ERVW-1: variants seen among roughly 807,000 people sequenced by gnomAD.
ERVW-1 encodes the protein endogenous retrovirus group W member 1, envelope, also known as syncytin-1.
Under a neutral mutation model 16.6 loss-of-function variants are expected in ERVW-1, and 21 were observed. That is an observed-to-expected ratio of 1.26 (90% confidence interval 0.90 to 1.82). ERVW-1 has a LOEUF of 1.82. Ranked by LOEUF, ERVW-1 falls within the 40% of genes most tolerant of loss-of-function variation. ERVW-1 has a pLI of 0.00. For synonymous variants in ERVW-1, 161 were observed against 109.8 expected, an observed-to-expected ratio of 1.47 and a Z score of -2.92; for missense variants, 412 against 300.2, an observed-to-expected ratio of 1.37 and a Z score of -2.75.
At chr7:92,475,960 G>A (rs1432925514) in intron 1 of ERVW-1, among the ~76,000 whole-genome samples, 1 of 152,164 alleles carries the variant, frequency 6.6e-6, no homozygotes, top group African/African-American at 2.4e-5. Flanking sequence ...GAGGAGACCA[G>A]TTATTAGGCA....
At chr7:92,476,257 TA>T (rs1790539604) in intron 1 of ERVW-1, among the ~76,000 whole-genome samples, 1 of 152,260 alleles carries the variant, frequency 6.6e-6, no homozygotes, top group Admixed American at 6.5e-5. Flanking sequence ...CTTTTTTTAT[TA>T]GAATAATTCT....
intron 1 of ERVW-1, chr7:92,474,903 A>G (rs1198572718): frequency 2.0e-5 from 3 of 151,872 alleles, no homozygotes; most frequent in Non-Finnish European, 4.4e-5. Context: ...ATTGGGGAAT[A>G]TTGGCACTCT....
intron 1 of ERVW-1, among the ~76,000 whole-genome samples, chr7:92,475,593 G>A (rs1224352690): frequency 6.7e-6 from 1 of 149,160 alleles, no homozygotes; most frequent in Non-Finnish European, 1.5e-5. Flanking sequence ...TCCAGGGTGC[G>A]TAACCACCCA....
chr7:92,471,133 C>A (rs1329517421), intron 1 of ERVW-1: 1 of 166,440 alleles, frequency 6.0e-6, no homozygotes, highest in Non-Finnish European at 1.5e-5. Flanking sequence ...ACCTCTTGGG[C>A]CTTTTCTGTC....
At chr7:92,472,543 T>G (rs1363934256) in intron 1 of ERVW-1, 2 of 152,232 alleles carry the variant, frequency 1.3e-5, no homozygotes, top group Non-Finnish European at 2.9e-5. Flanking sequence ...GTTGGCAAAC[T>G]TAACACTGGG....
rs747538219 is a variant in ERVW-1 at position 92,469,511 on chromosome 7, AG to A, written c.870del (p.Ser291HisfsTer3). Reference sequence around the variant, plus strand: ...ATGGTCATAGGGGGCACTAAGAATGAGAGGAAGCACATAGATTCTGAAGAGC... The same window carrying A: ...ATGGTCATAGGGGGCACTAAGAATGAAGGAAGCACATAGATTCTGAAGAGC... ...LNGSSESMCF[L>X]SFLVPPMTIY... is the part of the protein sequence containing the mutation. On this transcript the variant is annotated frameshift_variant, in exon 2 of 2. Coordinates refer to ENST00000603053, the MANE Select transcript of ERVW-1 (RefSeq NM_001130925.2). LOFTEE classifies it high-confidence loss of function. 2.6e-6 allele frequency: 2 copies of A among 768,640 alleles called. No individual in the cohort carries two copies. The highest frequency in any genetic ancestry group is 3.4e-5 in the African/African-American group (2 of 59,040). 47.6% of individuals were successfully genotyped at this position (768,640 alleles called of 1,614,324 possible). A position where few individuals can be genotyped will look rare whatever the true frequency, so the allele number is the denominator to read the frequency against.
intron 1 of ERVW-1, chr7:92,471,813 TC>T (rs1440029282): frequency 6.6e-6 from 1 of 152,234 alleles, no homozygotes; most frequent in Non-Finnish European, 1.5e-5. Context: ...AGTTAGGAAT[TC>T]CCTTTCTTTC....
In ERVW-1 at chr7:92,469,956, G is replaced by A. The variant is rs1790266788; in HGVS notation, c.426C>T (p.Thr142=). The A allele has an allele frequency of 2.6e-6, 2 of 777,508 alleles. No individual in the cohort carries two copies. Among genetic ancestry groups the A allele is most frequent in the African/African-American group, 3.4e-5 (2 of 59,022 alleles). The allele number at this position is 777,508 out of a possible 1,614,324, so 48.2% of individuals were successfully genotyped here. A position where few individuals can be genotyped will look rare whatever the true frequency, so the allele number is the denominator to read the frequency against. Residue 142 remains threonine, a synonymous_variant, in exon 2 of 2, where the codon ACC becomes ACT. Coordinates refer to ENST00000603053, the MANE Select transcript of ERVW-1 (RefSeq NM_001130925.2). ...GATCTAGTCCTTTGTAGGGGCTAGAGGTGCCATGTACCCGGGTGAGTTGGG... is the reference window on the plus strand; with the variant it reads ...GATCTAGTCCTTTGTAGGGGCTAGAAGTGCCATGTACCCGGGTGAGTTGGG... ...VISQLTRVHG[T]SSPYKGLDLS... is the part of the protein sequence containing the mutation.
intron 1 of ERVW-1, among the ~76,000 whole-genome samples, chr7:92,475,571 G>A (rs1290162041): frequency 1.3e-5 from 2 of 151,232 alleles, no homozygotes; most frequent in Non-Finnish European, 2.9e-5. Context: ...TGTGCTCAGG[G>A]GTGAGTTCCT....
At chr7:92,470,758 T>C in intron 1 of ERVW-1, 150 bp from the exon 2 acceptor site, 1 of 179,200 alleles carries the variant, frequency 5.6e-6, no homozygotes, top group Non-Finnish European at 1.3e-5. Flanking sequence ...TGCAACTAAG[T>C]TGGCTGTCTT....
intron 1 of ERVW-1, chr7:92,471,061 C>G (rs1012748278): frequency 6.0e-6 from 1 of 167,068 alleles, no homozygotes; most frequent in African/African-American, 2.4e-5. Flanking sequence ...GGGCTATTGT[C>G]ACTCTGTAAG....
At chr7:92,472,101 C>T (rs1197653563) in intron 1 of ERVW-1, 2 of 152,208 alleles carry the variant, frequency 1.3e-5, no homozygotes, top group African/African-American at 2.4e-5. Flanking sequence ...AAGGTCCCCT[C>T]GAGTGGCATA....
intron 1 of ERVW-1, among the ~76,000 whole-genome samples, chr7:92,475,747 G>A (rs1405872592): frequency 6.6e-5 from 10 of 152,120 alleles, no homozygotes; most frequent in South Asian, 4.2e-4. Context: ...TTGCCTTTGC[G>A]CTCAGGGGTG....
intron 1 of ERVW-1, among the ~76,000 whole-genome samples, chr7:92,475,575 A>G (rs1033446491): frequency 1.3e-5 from 2 of 150,114 alleles, no homozygotes; most frequent in Non-Finnish European, 3.0e-5. Context: ...CTCAGGGGTG[A>G]GTTCCTTTCC....
In ERVW-1 at chr7:92,468,915, G is replaced by A. The variant is rs1790195813; in HGVS notation, c.1467C>T (p.Pro489=). 5 of 764,102 alleles carry A rather than the reference G, an allele frequency of 6.5e-6. No individual in the cohort carries two copies. In the East Asian group the frequency reaches 9.7e-5, roughly 15 times the overall value. 47.3% of individuals were successfully genotyped at this position (764,102 alleles called of 1,614,324 possible). The change falls in exon 2 of 2, where the codon CCC becomes CCT. Residue 489 remains proline (P), a synonymous_variant. Coordinates refer to ENST00000603053, the MANE Select transcript of ERVW-1 (RefSeq NM_001130925.2). ...RIEAVKLQME[P]KMQSKTKIYR... is the part of the protein sequence containing the mutation. ...AGATCTTAGTCTTGGACTGCATCTT[G>A]GGCTCCATTTGTAGTTTTACAGCTT...
At position 92,468,556 on chromosome 7, in the gene ERVW-1, C is replaced by G. The variant is rs10265541; in HGVS notation, c.*209G>C. ...GATTGGCTATTTCTTTACCTCCTGT[C>G]TTTGCCTAATTAGCATTTTAGTGAG... On this transcript the variant is annotated 3_prime_UTR_variant, in exon 2 of 2. Coordinates refer to ENST00000603053, the MANE Select transcript of ERVW-1 (RefSeq NM_001130925.2). The G allele has an allele frequency of 4.6e-6, 2 of 433,976 alleles. No individual in the cohort carries two copies. The highest frequency in any genetic ancestry group is 7.9e-5 in the Admixed American group (2 of 25,212). The allele number at this position is 433,976 out of a possible 1,614,324, so 26.9% of individuals were successfully genotyped here.
intron 1 of ERVW-1, chr7:92,475,452 A>C (rs1790498840): frequency 6.6e-6 from 1 of 152,192 alleles, no homozygotes; most frequent in African/African-American, 2.4e-5. Flanking sequence ...AGTTATGCTC[A>C]CTGATGTTGC....
chr7:92,469,432 C>T lies in ERVW-1; in HGVS notation c.950G>A (p.Arg317Lys), dbSNP rs1554362269. Residue 317 changes from arginine to lysine, a missense_variant, in exon 2 of 2, where the codon AGA becomes AAA. Physicochemically the swap from Arg to Lys is conservative, Grantham distance 26. Coordinates refer to ENST00000603053, the MANE Select transcript of ERVW-1 (RefSeq NM_001130925.2). ...TATAACAAAAGGAAGAATGGGTACT[C>T]TTTTGTTGCGGGGCTTAGATATGAC... ...SYVISKPRNK[R>K]VPILPFVIGA... 2.6e-6 allele frequency: 2 copies of T among 771,610 alleles called. No homozygotes were observed. The highest frequency in any genetic ancestry group is 3.4e-5 in the Admixed American group (2 of 58,618). The allele number at this position is 771,610 out of a possible 1,614,324, so 47.8% of individuals were successfully genotyped here. A position where few individuals can be genotyped will look rare whatever the true frequency, so the allele number is the denominator to read the frequency against.
Position 92,469,314 on chromosome 7 carries a change from C to T in ERVW-1, c.1068G>A (p.Gly356=), listed in dbSNP as rs200174854. Residue 356 remains glycine, a synonymous_variant, in exon 2 of 2, where the codon GGG becomes GGA. Coordinates refer to ENST00000603053, the MANE Select transcript of ERVW-1 (RefSeq NM_001130925.2). ...FYYKLSQELN[G]DMERVADSLV... is the part of the protein sequence containing the mutation. The stretch of plus-strand genomic sequence containing the variant: ...GGGAGTCGGCGACCCGTTCCATGTC[C>T]CCATTTAGTTCTTGAGATAGTTTGT... The T allele has an allele frequency of 3.1e-6, 2 of 644,424 alleles. No homozygotes were observed. Among genetic ancestry groups the T allele is most frequent in the East Asian group, 2.8e-5 (1 of 35,746 alleles). The allele number at this position is 644,424 out of a possible 1,614,324, so 39.9% of individuals were successfully genotyped here. A position where few individuals can be genotyped will look rare whatever the true frequency, so the allele number is the denominator to read the frequency against.
Sources: allele counts gnomAD v4.1 joint callset (sites outside exome capture counted in the v4.1 genomes callset), GRCh38; gene constraint gnomAD v4.1.1; transcripts MANE v1.5; gene names NCBI Gene and HGNC (gene_info 2026-07-23, HGNC 2026-07-21).